The following SCAMP1 variants were observed in gnomAD, a reference collection of about 807,000 sequenced individuals.
SCAMP1 encodes the protein secretory carrier-associated membrane protein 1.
In SCAMP1, 15 loss-of-function variants were observed where a neutral mutation model predicts 41.8. That is an observed-to-expected ratio of 0.36 (90% CI 0.24 to 0.55). The LOEUF is 0.55. Among genes scored for constraint, SCAMP1 ranks in the 20% least tolerant of loss-of-function variants. SCAMP1 has a pLI of 0.86. For missense variants in SCAMP1, 341 were observed against 412.6 expected, an observed-to-expected ratio of 0.83 and a Z score of 1.50; for synonymous variants, 135 against 136.8, an observed-to-expected ratio of 0.99 and a Z score of 0.09.
chr5:78,470,729 G>C (rs947818094), intron 8 of SCAMP1, among the ~76,000 whole-genome samples: 2 of 152,044 alleles, frequency 1.3e-5, no homozygotes, highest in Admixed American at 1.3e-4. Context: ...AGGTTTTTGA[G>C]GCACCTCCAA....
chr5:78,427,834 G>C (rs1212581376), intron 6 of SCAMP1, among the ~76,000 whole-genome samples: 2 of 151,916 alleles, frequency 1.3e-5, no homozygotes, highest in African/African-American at 2.4e-5. Context: ...TGTCTTTTTT[G>C]GTGAAATGTT....
At chr5:78,444,456 G>A (rs1753006351) in intron 6 of SCAMP1, among the ~76,000 whole-genome samples, 1 of 152,110 alleles carries the variant, frequency 6.6e-6, no homozygotes. Flanking sequence ...ACTTTCATGA[G>A]AACAGCACAG....
chr5:78,374,270 G>C (rs925910929), intron 1 of SCAMP1, among the ~76,000 whole-genome samples: 2 of 152,126 alleles, frequency 1.3e-5, no homozygotes, highest in African/African-American at 4.8e-5. Flanking sequence ...TAGAGCCTCA[G>C]TTCCCCTAAA....
At chr5:78,471,293 G>T (rs756890403) in intron 8 of SCAMP1, among the ~76,000 whole-genome samples, 1 of 152,096 alleles carries the variant, frequency 6.6e-6, no homozygotes, top group Non-Finnish European at 1.5e-5. Flanking sequence ...TAAAGGGTGC[G>T]TGAGATTTCG....
rs1561255727 is a variant in SCAMP1 at position 78,388,594 on chromosome 5, A to AC, written c.58-243_58-242insC. On this transcript the variant is annotated intron_variant, in intron 1 of 8. Coordinates refer to ENST00000621999, the MANE Select transcript of SCAMP1 (RefSeq NM_004866.6). ...GGTGGTCTACTTTTTATCTTGATGT[A>AC]ATAGCTTGCAGCTGATTTGAATCTA... Among the ~76,000 whole-genome samples, 138 of 152,302 alleles carry AC rather than the reference A, an allele frequency of 9.1e-4. 1 individual carries two copies. The highest frequency in any genetic ancestry group is 1.8e-3 in the Admixed American group (28 of 15,298).
At position 78,373,894 on chromosome 5, in the gene SCAMP1, CATTAT is replaced by C. The variant is rs563153043; in HGVS notation, c.57+13170_57+13174del. Among the ~76,000 whole-genome samples the C allele has an allele frequency of 3.1e-3, 471 of 152,130 alleles. 2 individuals are homozygous for C. The highest frequency in any genetic ancestry group is 0.015 in the South Asian group (73 of 4,822). On this transcript the variant is annotated intron_variant, in intron 1 of 8. Transcript: ENST00000621999. ...AAACATATTCTCAGTCTTTATCAACCATTATATTTAAAATGGAGAGCTTGCCAGTT... is the reference window on the plus strand; with the variant it reads ...AAACATATTCTCAGTCTTTATCAACCATTTAAAATGGAGAGCTTGCCAGTT...
At chr5:78,463,693 A>G (rs1753671012) in intron 8 of SCAMP1, among the ~76,000 whole-genome samples, 1 of 152,200 alleles carries the variant, frequency 6.6e-6, no homozygotes, top group African/African-American at 2.4e-5. Context: ...GAGACAGAAA[A>G]TGTATTACAG....
intron 2 of SCAMP1, among the ~76,000 whole-genome samples, chr5:78,403,676 C>T (rs1355453564): frequency 6.6e-6 from 1 of 151,950 alleles, no homozygotes; most frequent in East Asian, 1.9e-4. Flanking sequence ...AAAAATTAGC[C>T]AGGCATCAGC....
chr5:78,416,165 A>G (rs1752204235), intron 3 of SCAMP1, among the ~76,000 whole-genome samples: 1 of 152,196 alleles, frequency 6.6e-6, no homozygotes, highest in Non-Finnish European at 1.5e-5. Flanking sequence ...ATAGGAGCCA[A>G]TTCAGTTGCC....
At chr5:78,470,987 G>A (rs1466129843) in intron 8 of SCAMP1, among the ~76,000 whole-genome samples, 2 of 152,144 alleles carry the variant, frequency 1.3e-5, no homozygotes, top group Non-Finnish European at 2.9e-5. Context: ...TTATTAATGA[G>A]GACAATTTTG....
chr5:78,380,674 G>A (rs149851102), intron 1 of SCAMP1, among the ~76,000 whole-genome samples: 1 of 152,134 alleles, frequency 6.6e-6, no homozygotes, highest in African/African-American at 2.4e-5. Context: ...CCACAGAGGT[G>A]GTAATAATAC....
At chr5:78,364,458 T>C (rs1750743294) in intron 1 of SCAMP1, among the ~76,000 whole-genome samples, 1 of 152,168 alleles carries the variant, frequency 6.6e-6, no homozygotes, top group Non-Finnish European at 1.5e-5. Flanking sequence ...TCTTAAAATA[T>C]ATTCAGTCAG....
At chr5:78,429,753 T>A (rs1351715541) in intron 6 of SCAMP1, among the ~76,000 whole-genome samples, 3 of 152,080 alleles carry the variant, frequency 2.0e-5, no homozygotes. Context: ...CTGAAATGGT[T>A]ATTTTTGAGT....
At chr5:78,471,647 C>T (rs1320479360) in intron 8 of SCAMP1, among the ~76,000 whole-genome samples, 23 of 152,122 alleles carry the variant, frequency 1.5e-4, no homozygotes. Context: ...CCACACGATA[C>T]AGTTTTTCTG....
At chr5:78,469,149 C>A (rs1275592082) in intron 8 of SCAMP1, among the ~76,000 whole-genome samples, 3 of 152,138 alleles carry the variant, frequency 2.0e-5, no homozygotes. Flanking sequence ...ATATTGTTAT[C>A]ATTCACCTCT....
chr5:78,382,307 T>A (rs759851021), intron 1 of SCAMP1, among the ~76,000 whole-genome samples: 1 of 152,216 alleles, frequency 6.6e-6, no homozygotes, highest in Non-Finnish European at 1.5e-5. Flanking sequence ...TATGCTGAGA[T>A]GTTCATTATA....
chr5:78,416,249 T>C (rs1470865154), intron 3 of SCAMP1, among the ~76,000 whole-genome samples: 1 of 152,228 alleles, frequency 6.6e-6, no homozygotes. Context: ...ATAGAGGTCA[T>C]CTTAATTTCA....
intron 6 of SCAMP1, among the ~76,000 whole-genome samples, chr5:78,448,189 G>GT (rs781194684): frequency 1.9e-3 from 156 of 84,086 alleles, no homozygotes; most frequent in East Asian, 7.7e-3. Context: ...CTTCCCTTTT[G>GT]TTTTTTTTTG....
At chr5:78,375,883 C>T (rs1319125498) in intron 1 of SCAMP1, among the ~76,000 whole-genome samples, 1 of 151,790 alleles carries the variant, frequency 6.6e-6, no homozygotes, top group Non-Finnish European at 1.5e-5. Flanking sequence ...TAATTTCTGC[C>T]GCATATGCAA....
Sources: allele counts gnomAD v4.1 joint callset (sites outside exome capture counted in the v4.1 genomes callset), GRCh38; gene constraint gnomAD v4.1.1; transcripts MANE v1.5; gene names NCBI Gene and HGNC (gene_info 2026-07-23, HGNC 2026-07-21).